Variants in ODF2 observed in about 807,000 individuals in gnomAD.
The protein encoded by ODF2 is outer dense fiber protein 2.
In ODF2, 47 loss-of-function variants were observed where a neutral mutation model predicts 110.2. That is an observed-to-expected ratio of 0.43 (90% CI 0.34 to 0.54). The LOEUF is 0.54. Among genes scored for constraint, ODF2 ranks in the 20% least tolerant of loss-of-function variants. ODF2 has a pLI of 0.03. For synonymous variants in ODF2, 352 were observed against 397.7 expected (o/e 0.89, Z 1.37); for missense variants, 812 against 1,054.5 (o/e 0.77, Z 3.19).
At chr9:128,495,820 A>G (rs1845473818) in intron 17 of ODF2, among the ~76,000 whole-genome samples, 1 of 152,068 alleles carries the variant, frequency 6.6e-6, no homozygotes, top group South Asian at 2.1e-4. Context: ...ATTCTTTAGC[A>G]TCAAACCTGG....
At chr9:128,479,724 T>G (rs1057153827) in intron 8 of ODF2, among the ~76,000 whole-genome samples, 3 of 152,078 alleles carry the variant, frequency 2.0e-5, no homozygotes, top group Non-Finnish European at 2.9e-5. Flanking sequence ...GTCCAGAGGT[T>G]GTGGGGAGAG....
At chr9:128,495,224 C>T (rs914017159) in intron 17 of ODF2, among the ~76,000 whole-genome samples, 3 of 152,240 alleles carry the variant, frequency 2.0e-5, no homozygotes, top group Admixed American at 1.3e-4. Context: ...CCACTCTTGA[C>T]GTGTGTACTT....
intron 11 of ODF2, among the ~76,000 whole-genome samples, chr9:128,484,300 CACTT>C (rs994520118): frequency 6.6e-6 from 1 of 152,320 alleles, no homozygotes; most frequent in African/African-American, 2.4e-5. Context: ...CCAGGCCTAT[CACTT>C]AATCCCCTAG....
chr9:128,483,021 G>A (rs1216282101), intron 10 of ODF2, 134 bp downstream of exon 10: 21 of 670,442 alleles, frequency 3.1e-5, no homozygotes, highest in African/African-American at 2.0e-4. Context: ...TCAGCCTCCC[G>A]AGTAGCTGGG....
chr9:128,456,271 C>T lies in ODF2; in HGVS notation c.-209+16C>T, dbSNP rs1448151112. On this transcript the variant is annotated intron_variant, in intron 1 of 20. Coordinates refer to ENST00000604420, the Ensembl canonical transcript of ODF2. ...GTCGCTCCTGGTGAGAGGCCGCCGG[C>T]AGGCGGGATCCAGCGCCCTCCGGGG... 1 of 1,529,804 alleles carries T rather than the reference C, an allele frequency of 6.5e-7. No individual in the cohort carries two copies. Among genetic ancestry groups the T allele is most frequent in the South Asian group, 1.2e-5 (1 of 81,650 alleles). The allele number at this position is 1,529,804 out of a possible 1,614,324, so 94.8% of individuals were successfully genotyped here.
intron 8 of ODF2, among the ~76,000 whole-genome samples, chr9:128,477,835 G>A (rs369330008): frequency 6.6e-6 from 1 of 151,798 alleles, no homozygotes; most frequent in East Asian, 1.9e-4. Context: ...CTGACCTCAG[G>A]TAATCCACCC....
In ODF2 at chr9:128,485,592, G is replaced by A; in HGVS notation, c.1400+118G>A. The A allele has an allele frequency of 1.6e-6, 1 of 635,634 alleles. No homozygotes were observed. Among genetic ancestry groups the A allele is most frequent in the Non-Finnish European group, 2.9e-6 (1 of 348,600 alleles). The allele number at this position is 635,634 out of a possible 1,614,324, so 39.4% of individuals were successfully genotyped here. A position where few individuals can be genotyped will look rare whatever the true frequency, so the allele number is the denominator to read the frequency against. On this transcript the variant is annotated intron_variant, in intron 13 of 20. Transcript: ENST00000604420. This position sits in a 1 kb window ranked among gnomAD's most constrained non-coding sequence, Gnocchi z 5.0. Reference sequence around the variant, plus strand: ...GCTGCTGTTTGTACTCTCCGGGTTGGGGGCTGCACTGGGCTGTGATGTGGG... The same window carrying A: ...GCTGCTGTTTGTACTCTCCGGGTTGAGGGCTGCACTGGGCTGTGATGTGGG...
At position 128,481,669 on chromosome 9, in the gene ODF2, T is replaced by G. The variant is rs368364337; in HGVS notation, c.915+18T>G. On this transcript the variant is annotated intron_variant, in intron 9 of 20. Coordinates refer to ENST00000604420, the Ensembl canonical transcript of ODF2. ...AGAAAGCGGTAACTAAGGCTGCCCT[T>G]GTCTACTCTAGTGGGTACAGGTGGC... The G allele has an allele frequency of 3.9e-5, 62 of 1,608,368 alleles. No individual in the cohort carries two copies. Among genetic ancestry groups the G allele is most frequent in the Non-Finnish European group, 5.0e-5 (59 of 1,175,410 alleles).
At chr9:128,469,333 G>T (rs752772387) in exon 5 of ODF2, 8 of 1,614,022 alleles carry the variant, frequency 5.0e-6, no homozygotes, top group Admixed American at 1.7e-5. Flanking sequence ...AATGAATGCG[G>T]TTGGTTGTCT....
At chr9:128,462,440 C>A (rs1836729519) in intron 4 of ODF2, among the ~76,000 whole-genome samples, 1 of 151,650 alleles carries the variant, frequency 6.6e-6, no homozygotes, top group Non-Finnish European at 1.5e-5. Flanking sequence ...TGAGCCACCA[C>A]ACCCGGCCCG....
At chr9:128,484,277 C>T (rs544489216) in intron 11 of ODF2, among the ~76,000 whole-genome samples, 25 of 152,306 alleles carry the variant, frequency 1.6e-4, no homozygotes, top group African/African-American at 5.8e-4. Flanking sequence ...GACGGGGTTG[C>T]GTGCCATGCC....
rs374565807 is a variant in ODF2, at chr9:128,457,469, A to T, written c.32+32A>T. Reference sequence around the variant, plus strand: ...CCGATGTGGGAGGCGCCTGCGCCGGAGGGCAGGGAAAGGTGGCCAGGGGTC... The same window carrying T: ...CCGATGTGGGAGGCGCCTGCGCCGGTGGGCAGGGAAAGGTGGCCAGGGGTC... On this transcript the variant is annotated intron_variant, in intron 2 of 20. Coordinates refer to ENST00000604420, the Ensembl canonical transcript of ODF2. The T allele has an allele frequency of 1.5e-5, 23 of 1,579,778 alleles. No individual in the cohort carries two copies. The African/African-American group carries it at 2.7e-4, about 19-fold the overall frequency.
intron 16 of ODF2, 53 bp downstream of exon 16, chr9:128,492,858 A>ACAGTCATTGAGTTAGAT: frequency 2.7e-6 from 4 of 1,465,376 alleles, no homozygotes; most frequent in Non-Finnish European, 3.8e-6. Context: ...TATCTAACTC[A>ACAGTCATTGAGTTAGAT]ATGACTGTGA....
At chr9:128,483,897 C>T (rs1172774136) in intron 10 of ODF2, 41 bp from the exon 11 acceptor site, 3 of 1,424,504 alleles carry the variant, frequency 2.1e-6, no homozygotes, top group Non-Finnish European at 3.0e-6. Context: ...AAAAAACAAA[C>T]AAAAAATTGT....
At position 128,484,686 on chromosome 9, in the gene ODF2, C is replaced by A. The variant is rs1432320502; in HGVS notation, c.1105-15C>A. ...CTCTCTTCTCCCTCTCTTTCTCACC[C>A]CTTCCCCCTTCCAGAATCTGGAGCG... On this transcript the variant is annotated splice_polypyrimidine_tract_variant and intron_variant, in intron 11 of 20. Coordinates refer to ENST00000604420, the Ensembl canonical transcript of ODF2. The A allele has an allele frequency of 1.3e-6, 2 of 1,553,116 alleles. No homozygotes were observed. The highest frequency in any genetic ancestry group is 1.7e-6 in the Non-Finnish European group (2 of 1,147,724).
At chr9:128,500,346 C>A in exon 21 of ODF2, 3 of 1,342,764 alleles carry the variant, frequency 2.2e-6, no homozygotes, top group Admixed American at 2.0e-5. Flanking sequence ...GTTTTCCTCT[C>A]CCAGTGAAAA....
chr9:128,466,978 ATT>A (rs1838107278), intron 4 of ODF2, among the ~76,000 whole-genome samples: 1 of 46,210 alleles, frequency 2.2e-5, no homozygotes. Flanking sequence ...CTCCATCTCA[ATT>A]AAAAAAAAAA....
At chr9:128,500,531 CT>C, downstream of ODF2, 1 of 362,528 alleles carries the variant, frequency 2.8e-6, no homozygotes, top group Non-Finnish European at 5.0e-6. Context: ...CACATTTTAA[CT>C]TACCATGACT....
rs1837164126 is a variant in ODF2 at position 128,463,881 on chromosome 9, G to A, written c.249+2814G>A. Among the ~76,000 whole-genome samples the A allele has an allele frequency of 3.3e-5, 5 of 151,810 alleles. No individual in the cohort carries two copies. The South Asian group carries it at 1.0e-3, about 32-fold the overall frequency. Reference sequence around the variant, plus strand: ...ACTTTTTGAGAAAGAGTCTCGTTTTGTCACCCAGGCTGGAGTGCAGTGACG... The same window carrying A: ...ACTTTTTGAGAAAGAGTCTCGTTTTATCACCCAGGCTGGAGTGCAGTGACG... On this transcript the variant is annotated intron_variant, in intron 4 of 20. Transcript: ENST00000604420.
Sources: gnomAD v4.1 joint callset for allele counts (sites outside exome capture counted in the v4.1 genomes callset) on GRCh38, gnomAD v4.1.1 for gene constraint, Gnocchi (gnomAD v3.1) non-coding constraint, MANE v1.5 for transcripts, NCBI Gene and HGNC (gene_info 2026-07-23, HGNC 2026-07-21) for gene names.